KIAA1217: variants seen among roughly 807,000 people sequenced by gnomAD.
KIAA1217 encodes the protein KIAA1217.
In KIAA1217, 88 loss-of-function variants were observed where a neutral mutation model predicts 163.9. The ratio of observed to expected loss-of-function variants is 0.54; its 90% CI spans 0.45 to 0.64. The LOEUF (loss-of-function observed/expected upper bound fraction) is 0.64. KIAA1217 is among the 30% of genes least tolerant of loss of function. KIAA1217 has a pLI of 0.00. For missense variants in KIAA1217, 2,372 were observed against 2,475.0 expected (o/e 0.96, Z 0.88); for synonymous variants, 903 against 923.1 (o/e 0.98, Z 0.39).
At chr10:23,786,571 A>C (rs977235869) in intron 1 of KIAA1217, among the ~76,000 whole-genome samples, 2 of 151,938 alleles carry the variant, frequency 1.3e-5, no homozygotes, top group African/African-American at 4.8e-5. Flanking sequence ...CAATAGTGAC[A>C]TGTAACTATC....
At chr10:23,746,998 A>C (rs2130823495) in intron 1 of KIAA1217, among the ~76,000 whole-genome samples, 1 of 152,262 alleles carries the variant, frequency 6.6e-6, no homozygotes, top group South Asian at 2.1e-4. Context: ...GAAGGAAGTA[A>C]AAAACTATAG....
intron 2 of KIAA1217, among the ~76,000 whole-genome samples, chr10:24,296,655 T>A (rs1170033344): frequency 6.6e-6 from 1 of 152,158 alleles, no homozygotes; most frequent in East Asian, 1.9e-4. Flanking sequence ...CCATTTTGAG[T>A]CTTAAAAACG....
intron 2 of KIAA1217, among the ~76,000 whole-genome samples, chr10:24,168,390 G>T (rs2065458116): frequency 1.3e-5 from 2 of 152,136 alleles, no homozygotes; most frequent in Admixed American, 1.3e-4. Flanking sequence ...GATGAACTGG[G>T]ATTCAGTCCT....
At chr10:24,117,058 A>G (rs2063086082) in intron 2 of KIAA1217, among the ~76,000 whole-genome samples, 2 of 142,010 alleles carry the variant, frequency 1.4e-5, no homozygotes, top group South Asian at 2.2e-4. Flanking sequence ...GTGGGGGGGG[A>G]TGGAGTTTTG....
At chr10:24,456,743 C>T (rs1229872320) in intron 5 of KIAA1217, among the ~76,000 whole-genome samples, 1 of 151,438 alleles carries the variant, frequency 6.6e-6, no homozygotes, top group African/African-American at 2.4e-5. Context: ...CGCTCTGTCC[C>T]CCAGGCTGGA....
chr10:23,934,126 T>A (rs1291729998), intron 1 of KIAA1217, among the ~76,000 whole-genome samples: 4 of 152,098 alleles, frequency 2.6e-5, no homozygotes, highest in African/African-American at 9.7e-5. Context: ...AGCAAAGACA[T>A]GGAACCAACC....
intron 1 of KIAA1217, among the ~76,000 whole-genome samples, chr10:23,782,867 A>G (rs1835321661): frequency 6.6e-6 from 1 of 152,134 alleles, no homozygotes; most frequent in South Asian, 2.1e-4. Flanking sequence ...TACTTCTACT[A>G]TTATGTTGAA....
intron 5 of KIAA1217, among the ~76,000 whole-genome samples, chr10:24,459,690 A>G (rs889055731): frequency 3.9e-5 from 6 of 152,154 alleles, no homozygotes; most frequent in Admixed American, 2.6e-4. Flanking sequence ...TGGGAGGCCT[A>G]GGCAGGAAGA....
At chr10:23,727,476 C>T (rs1377378525) in intron 1 of KIAA1217, among the ~76,000 whole-genome samples, 1 of 152,014 alleles carries the variant, frequency 6.6e-6, no homozygotes, top group Non-Finnish European at 1.5e-5. Context: ...AAGAGAATCA[C>T]TTGAACCTGG....
chr10:24,035,043 T>C (rs749812594), intron 2 of KIAA1217, among the ~76,000 whole-genome samples: 3 of 152,192 alleles, frequency 2.0e-5, no homozygotes, highest in Non-Finnish European at 4.4e-5. Context: ...ACTCAGTGTT[T>C]GTGTGGATTG....
At position 24,501,530 on chromosome 10, in the gene KIAA1217, G is replaced by C; in HGVS notation, c.1986G>C (p.Gln662His). 3 of 1,613,380 alleles carry C rather than the reference G, an allele frequency of 1.9e-6. No homozygotes were observed. Among genetic ancestry groups the C allele is most frequent in the Non-Finnish European group, 1.7e-6 (2 of 1,179,784 alleles). ...CGGAACTCAGGCTCCAGCTCCAGCA[G>C]ATGCGGCAGCTCCAGGTATTCCTCA... ...SVAELRLQLQ[Q>H]MRQLQLQNQE... Residue 662 changes from glutamine (Q) to histidine (H), a missense_variant, in exon 9 of 21, where the codon CAG becomes CAC. Gln to His is a conservative substitution (Grantham distance 24). This residue lies in a region of KIAA1217 where 1,431 missense variants were observed against 1,470.3 expected (regional missense o/e 0.97). Transcript: ENST00000376454.
At chr10:23,745,222 G>C (rs1413406539) in intron 1 of KIAA1217, among the ~76,000 whole-genome samples, 1 of 152,124 alleles carries the variant, frequency 6.6e-6, no homozygotes, top group Non-Finnish European at 1.5e-5. Context: ...TGTATCCCCA[G>C]TGCCTATAAT....
intron 5 of KIAA1217, among the ~76,000 whole-genome samples, chr10:24,445,223 G>A (rs565270751): frequency 6.6e-6 from 1 of 152,166 alleles, no homozygotes; most frequent in South Asian, 2.1e-4. Flanking sequence ...TCTGATCAAT[G>A]TTGGACACTG....
At chr10:24,109,575 G>A (rs2062765048) in intron 2 of KIAA1217, among the ~76,000 whole-genome samples, 1 of 152,046 alleles carries the variant, frequency 6.6e-6, no homozygotes, top group Non-Finnish European at 1.5e-5. Flanking sequence ...TAAGTTCATG[G>A]GGATCTGAAA....
chr10:24,511,573 G>A (rs1183236754), intron 9 of KIAA1217, among the ~76,000 whole-genome samples: 2 of 152,008 alleles, frequency 1.3e-5, no homozygotes, highest in Admixed American at 6.6e-5. Flanking sequence ...TTTGAACCCG[G>A]GAGGCAGAGG....
chr10:23,721,978 A>G, intron 1 of KIAA1217, among the ~76,000 whole-genome samples: 1 of 152,166 alleles, frequency 6.6e-6, no homozygotes, highest in East Asian at 1.9e-4. Flanking sequence ...ACGAAATGTG[A>G]TGTAGTCATA....
At chr10:23,794,784 C>T (rs971140027) in intron 1 of KIAA1217, among the ~76,000 whole-genome samples, 6 of 152,172 alleles carry the variant, frequency 3.9e-5, no homozygotes, top group African/African-American at 7.2e-5. Context: ...ATGATTTTAA[C>T]GTGTATACGT....
intron 5 of KIAA1217, among the ~76,000 whole-genome samples, chr10:24,466,236 G>A (rs1199755008): frequency 6.6e-6 from 1 of 151,872 alleles, no homozygotes; most frequent in Admixed American, 6.6e-5. Flanking sequence ...TGGCTCCTCT[G>A]GATTGAGTAT....
At chr10:24,502,041 G>A (rs1425238288) in intron 9 of KIAA1217, among the ~76,000 whole-genome samples, 1 of 151,920 alleles carries the variant, frequency 6.6e-6, no homozygotes, top group Admixed American at 6.6e-5. Context: ...GAGCCACCGC[G>A]TCTGGCCTAC....
Sources: allele counts gnomAD v4.1 joint callset (sites outside exome capture counted in the v4.1 genomes callset), GRCh38; gene constraint gnomAD v4.1.1; regional missense constraint gnomAD v4.1.1; transcripts MANE v1.5; gene names NCBI Gene and HGNC (gene_info 2026-07-23, HGNC 2026-07-21).